DCC: variants seen among roughly 807,000 people sequenced by gnomAD.
The protein encoded by DCC is netrin receptor DCC.
In DCC, 58 loss-of-function variants were observed where a neutral mutation model predicts 172.5. The observed-to-expected ratio is 0.34, with a 90% CI of 0.27 to 0.42. The LOEUF (loss-of-function observed/expected upper bound fraction) is 0.42, where lower values mean the gene tolerates loss of function less well. Ranked by LOEUF, DCC falls within the 10% of genes least tolerant of loss-of-function variation. The probability of loss-of-function intolerance (pLI) is 1.00; values close to 1 mark genes in which losing one functional copy is unlikely to be tolerated. For missense variants in DCC, 1,740 were observed against 1,791.0 expected, an observed-to-expected ratio of 0.97 and a Z score of 0.51; for synonymous variants, 709 against 644.5, an observed-to-expected ratio of 1.10 and a Z score of -1.52.
rs190642711 is a variant in DCC, at chr18:52,815,634, A to G, written c.412+63260A>G. Among the ~76,000 whole-genome samples the G allele has an allele frequency of 1.5e-3, 236 of 152,334 alleles. 2 individuals are homozygous for G. The highest frequency in any genetic ancestry group is 5.3e-3 in the African/African-American group (220 of 41,586). On this transcript the variant is annotated intron_variant, in intron 2 of 28. Coordinates refer to ENST00000442544, the MANE Select transcript of DCC (RefSeq NM_005215.4). ...GCCACTCAGTTGCTAGTGTTTTGTT[A>G]TGGCAGCCAGAGCTGATTAACACAG...
chr18:52,906,499 A>C (rs1406877271), intron 3 of DCC, among the ~76,000 whole-genome samples, 171 bp downstream of exon 3: 1 of 139,002 alleles, frequency 7.2e-6, no homozygotes, highest in Non-Finnish European at 1.6e-5. Context: ...TTGTACCAAA[A>C]GCTGTTCTTT....
chr18:52,944,354 A>G (rs574831054), intron 5 of DCC, among the ~76,000 whole-genome samples: 5 of 152,296 alleles, frequency 3.3e-5, no homozygotes, highest in African/African-American at 1.2e-4. Context: ...CTAAGGCTGA[A>G]AGTTAAAGGC....
Position 53,530,554 on chromosome 18 carries a change from C to G in DCC, c.4255-10C>G, listed in dbSNP as rs367877222. The G allele has an allele frequency of 2.1e-6, 3 of 1,453,370 alleles. No individual in the cohort carries two copies. In the East Asian group the frequency reaches 6.8e-5, roughly 33 times the overall value. The allele number at this position is 1,453,370 out of a possible 1,614,324, so 90.0% of individuals were successfully genotyped here. Reference sequence around the variant, plus strand: ...TTGTTACTAACTCTTGGCTCTCATTCTCTTTATAGGTGTATGAACAGGATG... The same window carrying G: ...TTGTTACTAACTCTTGGCTCTCATTGTCTTTATAGGTGTATGAACAGGATG... On this transcript the variant is annotated splice_polypyrimidine_tract_variant and intron_variant, in intron 28 of 28. Coordinates refer to ENST00000442544, the MANE Select transcript of DCC (RefSeq NM_005215.4).
chr18:52,954,314 T>G (rs2040706479), intron 5 of DCC, among the ~76,000 whole-genome samples: 2 of 152,276 alleles, frequency 1.3e-5, no homozygotes, highest in African/African-American at 2.4e-5. Context: ...TTTTTTTCAG[T>G]ATTTTTTGGA....
chr18:52,531,250 G>A (rs1029882133), intron 1 of DCC, among the ~76,000 whole-genome samples: 1 of 152,160 alleles, frequency 6.6e-6, no homozygotes, highest in Non-Finnish European at 1.5e-5. Flanking sequence ...TGAGATGTGT[G>A]ACATGTATAG....
intron 5 of DCC, among the ~76,000 whole-genome samples, chr18:52,981,497 G>A (rs574558249): frequency 1.3e-5 from 2 of 152,018 alleles, no homozygotes; most frequent in East Asian, 1.9e-4. Context: ...GGATTGGCAG[G>A]CCTGTTTTCT....
At chr18:53,020,812 G>A (rs2041869614) in intron 5 of DCC, among the ~76,000 whole-genome samples, 1 of 152,158 alleles carries the variant, frequency 6.6e-6, no homozygotes, top group Non-Finnish European at 1.5e-5. Flanking sequence ...ATTTAATAAA[G>A]TGGCTTGTTT....
chr18:52,998,301 C>G (rs2041514385), intron 5 of DCC, among the ~76,000 whole-genome samples: 1 of 151,972 alleles, frequency 6.6e-6, no homozygotes, highest in South Asian at 2.1e-4. Context: ...TCCTCATCAT[C>G]TGGGGTTGTT....
chr18:52,525,562 C>A (rs1465394968), intron 1 of DCC, among the ~76,000 whole-genome samples: 1 of 152,184 alleles, frequency 6.6e-6, no homozygotes, highest in African/African-American at 2.4e-5. Flanking sequence ...AGAAATCTGA[C>A]CGCATAAAGC....
chr18:53,132,306 A>C (rs142912925), intron 7 of DCC, among the ~76,000 whole-genome samples: 282 of 152,074 alleles, frequency 1.9e-3, no homozygotes, highest in African/African-American at 6.5e-3. Context: ...TCAAGCTACT[A>C]ACTTGGGGTT....
At chr18:52,353,261 C>T (rs1984206789) in intron 1 of DCC, among the ~76,000 whole-genome samples, 1 of 128,642 alleles carries the variant, frequency 7.8e-6, no homozygotes, top group Non-Finnish European at 1.6e-5. Flanking sequence ...CTGCCTTTTC[C>T]CTTCTTTTCT....
At chr18:52,852,344 G>A (rs1459719471) in intron 2 of DCC, among the ~76,000 whole-genome samples, 1 of 151,980 alleles carries the variant, frequency 6.6e-6, no homozygotes, top group Non-Finnish European at 1.5e-5. Context: ...AGACTTAAAG[G>A]TTTACTTTAA....
intron 23 of DCC, among the ~76,000 whole-genome samples, chr18:53,455,280 T>C (rs1035497320): frequency 3.3e-5 from 5 of 152,192 alleles, no homozygotes; most frequent in Admixed American, 2.6e-4. Context: ...GGAACAACTT[T>C]AGCAGACGAT....
chr18:52,446,195 A>G (rs558106608), intron 1 of DCC, among the ~76,000 whole-genome samples: 8 of 152,312 alleles, frequency 5.3e-5, no homozygotes, highest in Admixed American at 3.9e-4. Context: ...TGCTGGGATT[A>G]CAAGCGTAAG....
chr18:52,403,232 G>T lies in DCC; in HGVS notation c.91+62354G>T, dbSNP rs182375268. On this transcript the variant is annotated intron_variant, in intron 1 of 28. Coordinates refer to ENST00000442544, the MANE Select transcript of DCC (RefSeq NM_005215.4). Reference sequence around the variant, plus strand: ...TAAGCATTCAAAAGAATGATATGTGGTATCTACAAGGTAGGCCAGATCCTG... The same window carrying T: ...TAAGCATTCAAAAGAATGATATGTGTTATCTACAAGGTAGGCCAGATCCTG... Among the ~76,000 whole-genome samples the T allele has an allele frequency of 2.7e-3, 411 of 152,124 alleles. 2 individuals carry two copies. The highest frequency in any genetic ancestry group is 9.5e-3 in the African/African-American group (394 of 41,526).
chr18:53,008,934 C>A (rs1218964873), intron 5 of DCC, among the ~76,000 whole-genome samples: 2 of 151,808 alleles, frequency 1.3e-5, no homozygotes, highest in Admixed American at 6.6e-5. Flanking sequence ...GTATTTCTAA[C>A]CTGAGAAGTT....
At chr18:52,531,818 A>G (rs1272929582) in intron 1 of DCC, among the ~76,000 whole-genome samples, 1 of 152,174 alleles carries the variant, frequency 6.6e-6, no homozygotes, top group African/African-American at 2.4e-5. Context: ...GAATATCTGT[A>G]CTAATACCTC....
intron 12 of DCC, among the ~76,000 whole-genome samples, chr18:53,265,308 G>A (rs765035667): frequency 2.0e-5 from 3 of 152,126 alleles, no homozygotes; most frequent in Non-Finnish European, 4.4e-5. Context: ...CAGCCTCTAA[G>A]ACATTAGAGG....
At chr18:53,047,289 ATT>A (rs2042258273) in intron 5 of DCC, among the ~76,000 whole-genome samples, 3 of 13,142 alleles carry the variant, frequency 2.3e-4, no homozygotes, top group African/African-American at 1.2e-3. Context: ...TATATATATA[ATT>A]TTATATATAT....
Sources: gnomAD v4.1 joint callset for allele counts (sites outside exome capture counted in the v4.1 genomes callset) on GRCh38, gnomAD v4.1.1 for gene constraint, MANE v1.5 for transcripts, NCBI Gene and HGNC (gene_info 2026-07-23, HGNC 2026-07-21) for gene names.